The following TNR variants were observed in gnomAD, a reference collection of about 807,000 sequenced individuals.
TNR encodes tenascin-R.
Under a neutral mutation model 150.4 loss-of-function variants are expected in TNR, and 45 were observed. The observed-to-expected ratio is 0.30, with a 90% CI of 0.24 to 0.38. The LOEUF (loss-of-function observed/expected upper bound fraction) is 0.38. TNR is among the 10% of genes least tolerant of loss of function. The probability of loss-of-function intolerance (pLI) is 1.00; values close to 1 mark genes in which losing one functional copy is unlikely to be tolerated. For missense variants in TNR, 1,544 were observed against 1,759.1 expected (o/e 0.88, Z 2.19); for synonymous variants, 687 against 678.4 (o/e 1.01, Z -0.20).
intron 1 of TNR, among the ~76,000 whole-genome samples, chr1:175,554,787 T>G (rs1661084532): frequency 6.6e-6 from 1 of 152,220 alleles, no homozygotes; most frequent in South Asian, 2.1e-4. Context: ...TTTCTTCCAT[T>G]GTGAAATCCA....
chr1:175,397,707 A>G (rs868009882), intron 4 of TNR, among the ~76,000 whole-genome samples: 6 of 152,306 alleles, frequency 3.9e-5, no homozygotes, highest in Middle Eastern at 3.4e-3. Flanking sequence ...AATCTTGGAG[A>G]TGATGATGAT....
intron 1 of TNR, among the ~76,000 whole-genome samples, chr1:175,534,095 G>A (rs1660175234): frequency 6.6e-6 from 1 of 152,196 alleles, no homozygotes; most frequent in African/African-American, 2.4e-5. Context: ...CATCCAGGAG[G>A]TGCAGCAAAT....
At chr1:175,598,816 C>T (rs1436842226) in intron 1 of TNR, among the ~76,000 whole-genome samples, 1 of 152,156 alleles carries the variant, frequency 6.6e-6, no homozygotes, top group East Asian at 1.9e-4. Flanking sequence ...GGTCAGGCAC[C>T]CAGCCGCTCA....
chr1:175,452,352 CAG>C (rs1199161110), intron 2 of TNR, among the ~76,000 whole-genome samples: 1 of 152,234 alleles, frequency 6.6e-6, no homozygotes, highest in East Asian at 1.9e-4. Context: ...GATAGGATAT[CAG>C]GGCTGTAACT....
chr1:175,686,579 T>A (rs1427095970), intron 1 of TNR, among the ~76,000 whole-genome samples: 1 of 152,214 alleles, frequency 6.6e-6, no homozygotes, highest in East Asian at 1.9e-4. Context: ...ATGCTTCGAT[T>A]GAGCCCATCA....
chr1:175,671,315 T>C (rs892748533), intron 1 of TNR, among the ~76,000 whole-genome samples: 2 of 152,290 alleles, frequency 1.3e-5, no homozygotes, highest in East Asian at 1.9e-4. Flanking sequence ...TGCAGAGACA[T>C]AGCCTCACCC....
At chr1:175,669,795 T>C (rs930849319) in intron 1 of TNR, among the ~76,000 whole-genome samples, 1 of 152,172 alleles carries the variant, frequency 6.6e-6, no homozygotes. Flanking sequence ...CCCTTCCAAA[T>C]ACCAATCTGA....
At chr1:175,575,538 C>G (rs1268476275) in intron 1 of TNR, among the ~76,000 whole-genome samples, 1 of 152,076 alleles carries the variant, frequency 6.6e-6, no homozygotes, top group Non-Finnish European at 1.5e-5. Flanking sequence ...ACATAGACAC[C>G]CAATAAATGT....
At chr1:175,464,869 A>G (rs1271456942) in intron 2 of TNR, among the ~76,000 whole-genome samples, 2 of 152,132 alleles carry the variant, frequency 1.3e-5, no homozygotes, top group Non-Finnish European at 2.9e-5. Context: ...TGCAGGGCTT[A>G]AGGAGTTTCA....
intron 2 of TNR, among the ~76,000 whole-genome samples, chr1:175,517,495 TCTC>T (rs1659462550): frequency 6.6e-6 from 1 of 151,988 alleles, no homozygotes; most frequent in South Asian, 2.1e-4. Flanking sequence ...TCCCTAATCT[TCTC>T]CTTATAAGGG....
intron 14 of TNR, among the ~76,000 whole-genome samples, chr1:175,361,062 G>A (rs1460990184): frequency 6.6e-6 from 1 of 152,106 alleles, no homozygotes; most frequent in Non-Finnish European, 1.5e-5. Context: ...ATGACCCAAG[G>A]ATTTTTTTTT....
intron 1 of TNR, among the ~76,000 whole-genome samples, chr1:175,740,509 C>T (rs556809539): frequency 6.6e-6 from 1 of 152,122 alleles, no homozygotes; most frequent in Non-Finnish European, 1.5e-5. Flanking sequence ...TAGGGCAGAA[C>T]AGCTGACCTC....
In TNR at chr1:175,382,550, A is replaced by G. The variant is rs146279379; in HGVS notation, c.1778-2813T>C. Among the ~76,000 whole-genome samples, 886 of 152,326 alleles carry G rather than the reference A, an allele frequency of 5.8e-3. 10 individuals carry two copies. Among genetic ancestry groups the G allele is most frequent in the African/African-American group, 0.02 (824 of 41,574 alleles). On this transcript the variant is annotated intron_variant, in intron 8 of 22. Coordinates refer to ENST00000367674, the MANE Select transcript of TNR (RefSeq NM_003285.3). ...GAACTGTTGGGACTTGGAAGTTCCT[A>G]TTAGTTTCCCAGGGCTGCCATAACA...
intron 1 of TNR, among the ~76,000 whole-genome samples, chr1:175,690,031 G>A (rs1666314348): frequency 6.6e-6 from 1 of 152,208 alleles, no homozygotes; most frequent in Non-Finnish European, 1.5e-5. Flanking sequence ...GATAAGTCAA[G>A]GCTCAGAGTT....
intron 2 of TNR, among the ~76,000 whole-genome samples, chr1:175,485,357 T>A (rs1231739452): frequency 6.6e-6 from 1 of 152,190 alleles, no homozygotes; most frequent in Non-Finnish European, 1.5e-5. Flanking sequence ...ATGCATTTTC[T>A]TTCTTTGATA....
At chr1:175,442,492 T>C (rs1655838251) in intron 2 of TNR, among the ~76,000 whole-genome samples, 1 of 149,376 alleles carries the variant, frequency 6.7e-6, no homozygotes, top group Non-Finnish European at 1.5e-5. Context: ...GACTGGATTA[T>C]TGGAAGATTG....
chr1:175,401,649 T>C (rs1653707024), intron 4 of TNR, among the ~76,000 whole-genome samples: 1 of 152,192 alleles, frequency 6.6e-6, no homozygotes, highest in Non-Finnish European at 1.5e-5. Context: ...TTATTACCAT[T>C]GATTTTTGAA....
At chr1:175,430,349 C>A (rs1331970423) in intron 2 of TNR, among the ~76,000 whole-genome samples, 2 of 152,122 alleles carry the variant, frequency 1.3e-5, no homozygotes, top group East Asian at 3.8e-4. Context: ...AGAATTAACT[C>A]CTTCAGTAGG....
intron 2 of TNR, among the ~76,000 whole-genome samples, chr1:175,455,834 G>T (rs1337918477): frequency 6.6e-6 from 1 of 152,176 alleles, no homozygotes; most frequent in Non-Finnish European, 1.5e-5. Flanking sequence ...ATGAAAGTTG[G>T]GTCCTGTCAC....
Sources: gnomAD v4.1 joint callset for allele counts (sites outside exome capture counted in the v4.1 genomes callset) on GRCh38, gnomAD v4.1.1 for gene constraint, MANE v1.5 for transcripts, NCBI Gene and HGNC (gene_info 2026-07-23, HGNC 2026-07-21) for gene names.